The following MEF2B variants were observed in gnomAD, a reference collection of about 807,000 sequenced individuals.
The protein encoded by MEF2B is myocyte-specific enhancer factor 2B.
In MEF2B, 15 loss-of-function variants were observed where a neutral mutation model predicts 32.2. The observed-to-expected ratio is 0.47, with a 90% CI of 0.31 to 0.72. MEF2B has a LOEUF of 0.72. MEF2B is among the 30% of genes least tolerant of loss of function. The pLI, the probability that MEF2B is intolerant of heterozygous loss-of-function variation, is 0.05. For synonymous variants in MEF2B, 205 were observed against 225.6 expected (o/e 0.91, Z 0.82); for missense variants, 441 against 511.5 (o/e 0.86, Z 1.33).
At chr19:19,160,826 GGGCTCCAGCGGCTCC>G (rs2060155881) in intron 1 of MEF2B, among the ~76,000 whole-genome samples, 1 of 152,084 alleles carries the variant, frequency 6.6e-6, no homozygotes, top group African/African-American at 2.4e-5. Context: ...CCTCTCCTGG[GGGCTCCAGCGGCTCC>G]GACCCCAGCT....
chr19:19,167,327 G>A (rs1451628287), intron 1 of MEF2B, among the ~76,000 whole-genome samples: 1 of 148,488 alleles, frequency 6.7e-6, no homozygotes, highest in Non-Finnish European at 1.5e-5. Context: ...CTCCAGCCTG[G>A]GCAACAGAGT....
intron 1 of MEF2B, among the ~76,000 whole-genome samples, chr19:19,158,462 A>C (rs2060135861): frequency 7.0e-6 from 1 of 142,374 alleles, no homozygotes; most frequent in South Asian, 2.4e-4. Context: ...AAAAAAAAAA[A>C]CAAACTAGGG....
intron 1 of MEF2B, among the ~76,000 whole-genome samples, chr19:19,154,328 T>G (rs1040587049): frequency 1.3e-5 from 2 of 152,042 alleles, no homozygotes; most frequent in African/African-American, 4.8e-5. Flanking sequence ...CATGCCCAGC[T>G]AATTTTTGTA....
intron 1 of MEF2B, among the ~76,000 whole-genome samples, chr19:19,161,205 C>T (rs1303622787): frequency 3.9e-5 from 6 of 152,000 alleles, no homozygotes; most frequent in Non-Finnish European, 8.8e-5. Flanking sequence ...GCCTTGGGGT[C>T]ACCTCTCCAT....
Position 19,145,605 on chromosome 19 carries a change from A to C in MEF2B, c.*192T>G. On this transcript the variant is annotated 3_prime_UTR_variant, in exon 9 of 9. Transcript: ENST00000424583. This position sits in a 1 kb window ranked among gnomAD's most constrained non-coding sequence, Gnocchi z 4.6. ...CGCCACGCGCGTTTTATTTGTGGAT[A>C]TACACACAAATAGGAAGAAGGAAAG... 7.5e-7 allele frequency: 1 copy of C among 1,332,238 alleles called. No individual in the cohort carries two copies. The highest frequency in any genetic ancestry group is 1.0e-6 in the Non-Finnish European group (1 of 982,554). The allele number at this position is 1,332,238 out of a possible 1,614,324, so 82.5% of individuals were successfully genotyped here.
intron 1 of MEF2B, among the ~76,000 whole-genome samples, chr19:19,164,105 C>T (rs12978533): frequency 0.11 from 16,826 of 152,104 alleles, 1,312 homozygotes; most frequent in Non-Finnish European, 0.17. Context: ...TAGCTGGGAT[C>T]ACAGGCTCGC....
chr19:19,151,844 C>T (rs1184960791), intron 1 of MEF2B, among the ~76,000 whole-genome samples: 1 of 152,060 alleles, frequency 6.6e-6, no homozygotes, highest in African/African-American at 2.4e-5. Flanking sequence ...CAGATCAGGC[C>T]GGTCACGGTG....
At chr19:19,157,890 T>C (rs2006991) in intron 1 of MEF2B, among the ~76,000 whole-genome samples, 27,132 of 151,974 alleles carry the variant, frequency 0.18, 2,845 homozygotes, top group East Asian at 0.34. Context: ...GGCTGATGGA[T>C]ATCAGACAGC....
chr19:19,149,899 T>C (rs527834871), intron 2 of MEF2B, among the ~76,000 whole-genome samples: 1 of 151,050 alleles, frequency 6.6e-6, no homozygotes, highest in Admixed American at 6.6e-5. Flanking sequence ...GGCAACATGG[T>C]GAGACCCCTG....
chr19:19,169,598 G>C (rs2060236725), intron 1 of MEF2B, among the ~76,000 whole-genome samples: 1 of 152,132 alleles, frequency 6.6e-6, no homozygotes, highest in Non-Finnish European at 1.5e-5. Context: ...AAAGAGATAG[G>C]GAGGGAGGAC....
intron 1 of MEF2B, among the ~76,000 whole-genome samples, chr19:19,158,920 T>C (rs1038483297): frequency 6.7e-6 from 1 of 149,486 alleles, no homozygotes; most frequent in Non-Finnish European, 1.5e-5. Flanking sequence ...CCGGGCAACA[T>C]TGTGAGACTG....
intron 1 of MEF2B, among the ~76,000 whole-genome samples, chr19:19,162,289 T>C (rs926844489): frequency 7.9e-5 from 12 of 152,192 alleles, no homozygotes; most frequent in Middle Eastern, 3.4e-3. Flanking sequence ...AACCAGACTA[T>C]GCCAGGCTAA....
At position 19,149,211 on chromosome 19, in the gene MEF2B, G is replaced by T. The variant is rs1406163054; in HGVS notation, c.258+15C>A. 1 of 1,613,004 alleles carries T rather than the reference G, an allele frequency of 6.2e-7. No individual in the cohort carries two copies. Among genetic ancestry groups the T allele is most frequent in the Non-Finnish European group, 8.5e-7 (1 of 1,179,562 alleles). ...CACGGGGCCTTGTGGGGCTGGGGAG[G>T]AGGACCTGGGGTACCTCGAGGATGT... On this transcript the variant is annotated intron_variant, in intron 3 of 8. Transcript: ENST00000424583.
chr19:19,146,560 G>T lies in MEF2B; in HGVS notation c.764C>A (p.Pro255His), dbSNP rs950872499. The change falls in exon 7 of 9, where the codon CCC (proline) becomes CAC (histidine). Residue 255 changes from proline (P) to histidine (H), a missense_variant. This residue lies in a region of MEF2B where 326 missense variants were observed against 328.4 expected (regional missense o/e 0.99). Transcript: ENST00000424583. Reference protein sequence around the residue: ...LGSFPFLPGGPPEYGLGDPPP... With the variant: ...LGSFPFLPGGHPEYGLGDPPP... The stretch of plus-strand genomic sequence containing the variant: ...GGGCAGGTTAGGGGATGTACCTGGG[G>T]GGCCTCCGGGGAGGAAGGGGAAGCT... The T allele has an allele frequency of 1.3e-6, 2 of 1,564,378 alleles. No individual in the cohort carries two copies. The highest frequency in any genetic ancestry group is 2.7e-5 in the African/African-American group (2 of 73,060).
At chr19:19,151,020 A>G (rs2060076259) in intron 1 of MEF2B, among the ~76,000 whole-genome samples, 1 of 152,198 alleles carries the variant, frequency 6.6e-6, no homozygotes, top group Non-Finnish European at 1.5e-5. Flanking sequence ...TGGGAGGCCA[A>G]GGCAGGAGGA....
intron 1 of MEF2B, 116 bp from the exon 2 acceptor site, chr19:19,150,880 G>GA (rs1430215421): frequency 7.8e-7 from 1 of 1,279,234 alleles, no homozygotes; most frequent in Non-Finnish European, 1.1e-6. Flanking sequence ...AGATGATGGG[G>GA]AAAATCAAGG....
At chr19:19,165,001 A>C (rs1307474250) in intron 1 of MEF2B, among the ~76,000 whole-genome samples, 1 of 152,206 alleles carries the variant, frequency 6.6e-6, no homozygotes, top group Non-Finnish European at 1.5e-5. Flanking sequence ...AGCGCTGGGC[A>C]GAAGGGACCC....
At chr19:19,160,660 G>A (rs1324300824) in intron 1 of MEF2B, among the ~76,000 whole-genome samples, 1 of 150,290 alleles carries the variant, frequency 6.7e-6, no homozygotes, top group Non-Finnish European at 1.5e-5. Flanking sequence ...GCGGGAGGCG[G>A]TGAAGCGGGG....
intron 1 of MEF2B, among the ~76,000 whole-genome samples, chr19:19,167,270 G>C (rs1205625141): frequency 6.7e-6 from 1 of 149,736 alleles, no homozygotes; most frequent in Non-Finnish European, 1.5e-5. Context: ...AGAATCGCTT[G>C]AACCTGGGAG....
Sources: allele counts gnomAD v4.1 joint callset (sites outside exome capture counted in the v4.1 genomes callset), GRCh38; gene constraint gnomAD v4.1.1; regional missense constraint gnomAD v4.1.1; non-coding constraint Gnocchi (gnomAD v3.1); transcripts MANE v1.5; gene names NCBI Gene and HGNC (gene_info 2026-07-23, HGNC 2026-07-21).